The following MSH3 variants were observed in gnomAD, a reference collection of about 807,000 sequenced individuals.
The protein encoded by MSH3 is DNA mismatch repair protein Msh3.
MSH3 carries 106 observed loss-of-function variants against 123.3 expected under a neutral mutation model. The ratio of observed to expected loss-of-function variants is 0.86; its 90% CI spans 0.73 to 1.01. The LOEUF (loss-of-function observed/expected upper bound fraction) is 1.01. Among genes scored for constraint, MSH3 ranks in the 50% least tolerant of loss-of-function variants. The pLI, the probability that MSH3 is intolerant of heterozygous loss-of-function variation, is 0.00. For missense variants in MSH3, 1,459 were observed against 1,347.6 expected, an observed-to-expected ratio of 1.08 and a Z score of -1.29; for synonymous variants, 515 against 481.4, an observed-to-expected ratio of 1.07 and a Z score of -0.91.
intron 8 of MSH3, among the ~76,000 whole-genome samples, chr5:80,697,680 CTAGTA>C (rs1309116603): frequency 6.6e-6 from 1 of 151,894 alleles, no homozygotes; most frequent in Non-Finnish European, 1.5e-5. Context: ...TAAGCTAAAT[CTAGTA>C]TAAGTGGGAC....
rs143733332 is a variant in MSH3, at chr5:80,665,205, T to C, written c.421T>C (p.Cys141Arg). ...SKSLEKLKEF[C>R]CDSALPQSRV... ...GTCTCTGGAAAAATTGAAAGAATTC[T>C]GCTGCGATTCTGCCCTTCCTCAAAG... The change falls in exon 3 of 24, where the codon TGC becomes CGC. Residue 141 changes from cysteine to arginine, a missense_variant. Cys to Arg is a radical substitution (Grantham distance 180). Transcript: ENST00000265081. 55 of 1,614,044 alleles carry C rather than the reference T, an allele frequency of 3.4e-5. No homozygotes were observed. The African/African-American group carries it at 6.9e-4, about 20-fold the overall frequency.
At chr5:80,772,775 T>C (rs552825521) in intron 15 of MSH3, among the ~76,000 whole-genome samples, 3 of 152,280 alleles carry the variant, frequency 2.0e-5, no homozygotes, top group African/African-American at 7.2e-5. Flanking sequence ...TGTATCTTAT[T>C]GTCAGTATAG....
chr5:80,733,582 G>T (rs1045947780), intron 10 of MSH3, among the ~76,000 whole-genome samples: 3 of 140,822 alleles, frequency 2.1e-5, no homozygotes, highest in African/African-American at 5.4e-5. Context: ...ATCCAGTAAG[G>T]GACTTGTATC....
At chr5:80,811,869 T>C (rs1378605861) in intron 19 of MSH3, among the ~76,000 whole-genome samples, 1 of 152,206 alleles carries the variant, frequency 6.6e-6, no homozygotes, top group African/African-American at 2.4e-5. Flanking sequence ...ATGACAGGCT[T>C]ATTTTTTAAT....
At chr5:80,679,123 C>A in intron 8 of MSH3, 30 bp downstream of exon 8, 2 of 1,608,560 alleles carry the variant, frequency 1.2e-6, no homozygotes, top group Non-Finnish European at 1.7e-6. Context: ...GAATATAATA[C>A]CGATTCTGAA....
chr5:80,705,286 T>C (rs1750695053), intron 8 of MSH3, among the ~76,000 whole-genome samples: 1 of 152,210 alleles, frequency 6.6e-6, no homozygotes, highest in South Asian at 2.1e-4. Flanking sequence ...ATCTTAGCTG[T>C]ACATTGGGAT....
chr5:80,847,637 T>C (rs1745747657), intron 20 of MSH3, among the ~76,000 whole-genome samples: 1 of 152,196 alleles, frequency 6.6e-6, no homozygotes, highest in Admixed American at 6.5e-5. Flanking sequence ...TTTTTAATCC[T>C]TATTATAAAA....
At position 80,678,946 on chromosome 5, in the gene MSH3, G is replaced by T; in HGVS notation, c.1193G>T (p.Gly398Val). The change falls in exon 8 of 24, where the codon GGC becomes GTC. Residue 398 changes from glycine (G) to valine (V), a missense_variant. Physicochemically the swap from Gly to Val is moderately radical, Grantham distance 109. Transcript: ENST00000265081. ...TTTTAGGGAGTGCAGCCTGCCACAG[G>T]CGAGGTTGTGTTTGATAGTTTCCAG... ...IGIVGVQPATGEVVFDSFQDS... is the reference protein window; with the variant it reads ...IGIVGVQPATVEVVFDSFQDS... 1 of 1,614,098 alleles carries T rather than the reference G, an allele frequency of 6.2e-7. No homozygotes were observed. Among genetic ancestry groups the T allele is most frequent in the South Asian group, 1.1e-5 (1 of 91,078 alleles).
intron 19 of MSH3, among the ~76,000 whole-genome samples, chr5:80,796,817 C>A (rs1744706348): frequency 6.6e-6 from 1 of 151,744 alleles, no homozygotes; most frequent in South Asian, 2.1e-4. Context: ...ATAATCCAAG[C>A]ATTTATACAT....
At chr5:80,749,646 T>C (rs1743796875) in intron 12 of MSH3, among the ~76,000 whole-genome samples, 1 of 152,234 alleles carries the variant, frequency 6.6e-6, no homozygotes, top group African/African-American at 2.4e-5. Context: ...TTTCATTACA[T>C]ATATACATTA....
chr5:80,816,760 G>A (rs1001791367), intron 20 of MSH3, among the ~76,000 whole-genome samples: 4 of 152,180 alleles, frequency 2.6e-5, no homozygotes, highest in Admixed American at 6.5e-5. Context: ...AGGACTTGGC[G>A]ATAGATAGGG....
chr5:80,829,080 C>A (rs950075572), intron 20 of MSH3, among the ~76,000 whole-genome samples: 1 of 152,210 alleles, frequency 6.6e-6, no homozygotes, highest in Non-Finnish European at 1.5e-5. Flanking sequence ...CATTAATCCA[C>A]GAATGGATTA....
chr5:80,661,002 T>C (rs1370284378), intron 2 of MSH3, among the ~76,000 whole-genome samples: 1 of 152,216 alleles, frequency 6.6e-6, no homozygotes, highest in Non-Finnish European at 1.5e-5. Flanking sequence ...TTTCACCATG[T>C]TGGCCATGTT....
rs564239742 is a variant in MSH3 at position 80,786,892 on chromosome 5, A to C, written c.2436-673A>C. Among the ~76,000 whole-genome samples, 283 of 152,348 alleles carry C rather than the reference A, an allele frequency of 1.9e-3. 2 individuals are homozygous for C. The highest frequency in any genetic ancestry group is 6.8e-3 in the South Asian group (33 of 4,824). ...TAGATCAATAAATATTATAGTTTTA[A>C]GTAGCCAGAGACTTGAGGCAATGAC... is the stretch of plus-strand genomic sequence containing the variant. On this transcript the variant is annotated intron_variant, in intron 17 of 23. Transcript: ENST00000265081.
At chr5:80,838,884 CA>C (rs1365009548) in intron 20 of MSH3, among the ~76,000 whole-genome samples, 1 of 152,116 alleles carries the variant, frequency 6.6e-6, no homozygotes, top group Non-Finnish European at 1.5e-5. Flanking sequence ...TACATTTTTT[CA>C]CTCAATCTTG....
At chr5:80,758,740 ATCT>A (rs755027224) in intron 12 of MSH3, among the ~76,000 whole-genome samples, 1 of 152,230 alleles carries the variant, frequency 6.6e-6, no homozygotes, top group Non-Finnish European at 1.5e-5. Flanking sequence ...TATTAAAAAA[ATCT>A]TCTGGTAGAC....
chr5:80,729,382 C>T (rs1743365672), intron 10 of MSH3, among the ~76,000 whole-genome samples: 1 of 143,278 alleles, frequency 7.0e-6, no homozygotes, highest in Non-Finnish European at 1.5e-5. Context: ...CACCACTGCA[C>T]TCCAGCCTGG....
intron 20 of MSH3, among the ~76,000 whole-genome samples, chr5:80,843,851 A>G (rs992327636): frequency 4.0e-5 from 6 of 151,870 alleles, no homozygotes; most frequent in African/African-American, 1.2e-4. Context: ...TTTTCAAAAA[A>G]CTAGCTCCTG....
chr5:80,788,637 C>A (rs895299679), intron 18 of MSH3, among the ~76,000 whole-genome samples: 3 of 151,724 alleles, frequency 2.0e-5, no homozygotes, highest in African/African-American at 7.3e-5. Context: ...ATATTGAGAC[C>A]CTATCTCTAC....
Sources: gnomAD v4.1 joint callset for allele counts (sites outside exome capture counted in the v4.1 genomes callset) on GRCh38, gnomAD v4.1.1 for gene constraint, MANE v1.5 for transcripts, NCBI Gene and HGNC (gene_info 2026-07-23, HGNC 2026-07-21) for gene names.